DNAH17: variants seen among roughly 807,000 people sequenced by gnomAD.
The protein encoded by DNAH17 is dynein axonemal heavy chain 17.
Under a neutral mutation model 485.6 loss-of-function variants are expected in DNAH17, and 376 were observed. That is an observed-to-expected ratio of 0.77 (90% CI 0.71 to 0.84). The LOEUF (loss-of-function observed/expected upper bound fraction) is 0.84. Among genes scored for constraint, DNAH17 ranks in the 40% least tolerant of loss-of-function variants. The probability of loss-of-function intolerance (pLI) is 0.00; values close to 1 mark genes in which losing one functional copy is unlikely to be tolerated. For missense variants in DNAH17, 6,370 were observed against 5,839.3 expected (o/e 1.09, Z -2.96); for synonymous variants, 3,031 against 2,405.9 (o/e 1.26, Z -7.60).
intron 4 of DNAH17, 52 bp downstream of exon 4, chr17:78,571,538 G>C: frequency 1.9e-6 from 3 of 1,598,700 alleles, no homozygotes; most frequent in Non-Finnish European, 2.6e-6. Context: ...AGCTCGGCCC[G>C]GTCGCCCAGC....
At chr17:78,530,608 T>C (rs1598652360) in intron 20 of DNAH17, 96 bp from the exon 21 acceptor site, 2 of 1,418,230 alleles carry the variant, frequency 1.4e-6, no homozygotes, top group Admixed American at 4.3e-5. Context: ...GCACTGCACC[T>C]GCGCTGCTCA....
In DNAH17 at chr17:78,567,069, T is replaced by A; in HGVS notation, c.1382A>T (p.Tyr461Phe). 6.2e-7 allele frequency: 1 copy of A among 1,613,730 alleles called. No individual in the cohort carries two copies. The highest frequency in any genetic ancestry group is 8.5e-7 in the Non-Finnish European group (1 of 1,179,790). Residue 461 changes from tyrosine to phenylalanine, a missense_variant, in exon 10 of 81, where the codon TAT (tyrosine) becomes TTT (phenylalanine). By Grantham distance (22) the Tyr-to-Phe change is conservative (BLOSUM62 3). Transcript: ENST00000389840. ...CTTCACCAGCTCAAAGACCTCATCA[T>A]AGATACGGGTCACCAGGCTCCCGAG... ...NLLGSLVTRIYDEVFELVKVF... is the reference protein window; with the variant it reads ...NLLGSLVTRIFDEVFELVKVF...
At chr17:78,493,923 T>G (rs2089965201) in intron 41 of DNAH17, 113 bp downstream of exon 41, 6 of 1,394,128 alleles carry the variant, frequency 4.3e-6, no homozygotes, top group Middle Eastern at 2.6e-4. Context: ...GCTCCCAGGA[T>G]GTACTGGGTT....
chr17:78,425,467 G>A lies in DNAH17; in HGVS notation c.13020C>T (p.Ala4340=). ...TGTCCAGGGGCCACTCGTTCTTCCT[G>A]GCCATGGACTGCATGATGGCCGTGA... is the stretch of plus-strand genomic sequence containing the variant. ...SFLTAIMQSM[A]RKNEWPLDKM... Residue 4340 remains alanine (A), a synonymous_variant, in exon 80 of 81, where the codon GCC becomes GCT. Coordinates refer to ENST00000389840, the MANE Select transcript of DNAH17 (RefSeq NM_173628.4). 6.2e-7 allele frequency: 1 copy of A among 1,614,020 alleles called. No individual in the cohort carries two copies. The highest frequency in any genetic ancestry group is 8.5e-7 in the Non-Finnish European group (1 of 1,179,928).
chr17:78,537,341 G>C lies in DNAH17; in HGVS notation c.2817C>G (p.Ala939=), dbSNP rs777180977. 1 of 1,600,860 alleles carries C rather than the reference G, an allele frequency of 6.2e-7. No homozygotes were observed. Among genetic ancestry groups the C allele is most frequent in the South Asian group, 1.1e-5 (1 of 88,756 alleles). Residue 939 remains alanine (A), a synonymous_variant, in exon 19 of 81, where the codon GCC becomes GCG. Transcript: ENST00000389840. The stretch of plus-strand genomic sequence containing the variant: ...CCTTGGCCAGCCGAGGGATGAGCCT[G>C]GCTACGTTGTAGATGTCGTTGACCA... The part of the protein sequence containing the change: ...EGLVNDIYNV[A]RLIPRLAKDR...
At chr17:78,538,750 G>C (rs961675710) in intron 18 of DNAH17, among the ~76,000 whole-genome samples, 1 of 152,162 alleles carries the variant, frequency 6.6e-6, no homozygotes, top group African/African-American at 2.4e-5. Flanking sequence ...TTCGTCAACT[G>C]AATTTTGGGT....
chr17:78,483,871 C>T (rs568782082), intron 48 of DNAH17, among the ~76,000 whole-genome samples: 4 of 152,034 alleles, frequency 2.6e-5, no homozygotes, highest in Middle Eastern at 3.4e-3. Context: ...CCAAGGCGGG[C>T]GGATCACCTG....
chr17:78,458,388 CCA>C (rs1439828945), intron 62 of DNAH17, 175 bp downstream of exon 62: 2 of 612,558 alleles, frequency 3.3e-6, no homozygotes, highest in Non-Finnish European at 5.8e-6. Flanking sequence ...TTTGTGGAGG[CCA>C]CTGACTATGC....
At chr17:78,479,923 A>G (rs1257040730) in intron 49 of DNAH17, among the ~76,000 whole-genome samples, 1 of 150,986 alleles carries the variant, frequency 6.6e-6, no homozygotes, top group African/African-American at 2.4e-5. Flanking sequence ...GTGTGTTTAG[A>G]TAACTTAGAG....
rs1406735758 is a variant in DNAH17 at position 78,506,136 on chromosome 17, G to T, written c.4803+584C>A. Among the ~76,000 whole-genome samples, 7 of 72,396 alleles carry T rather than the reference G, an allele frequency of 9.7e-5. 1 individual carries two copies. Among genetic ancestry groups the T allele is most frequent in the Non-Finnish European group, 5.1e-5 (2 of 38,994 alleles). The allele number at this position is 72,396 out of a possible 152,430, so 47.5% of individuals were successfully genotyped here. On this transcript the variant is annotated intron_variant, in intron 30 of 80. Coordinates refer to ENST00000389840, the MANE Select transcript of DNAH17 (RefSeq NM_173628.4). ...AATGCAAGCGCTTTCCCTTCACCTA[G>T]TTAATTTTTTTTTTTTTTTTTTGAG...
At chr17:78,455,954 G>T in intron 62 of DNAH17, 118 bp from the exon 63 acceptor site, 1 of 814,882 alleles carries the variant, frequency 1.2e-6, no homozygotes, top group Non-Finnish European at 1.8e-6. Flanking sequence ...ACCTGGCTCA[G>T]TGGCTCAATG....
intron 24 of DNAH17, among the ~76,000 whole-genome samples, chr17:78,526,311 AAC>A (rs1177289915): frequency 6.6e-6 from 1 of 152,156 alleles, no homozygotes; most frequent in Non-Finnish European, 1.5e-5. Context: ...GCTGAATGTG[AAC>A]AGAGTGGAGA....
intron 14 of DNAH17, 52 bp from the exon 15 acceptor site, chr17:78,552,857 T>G (rs2091934416): frequency 2.3e-6 from 3 of 1,307,360 alleles, no homozygotes; most frequent in Non-Finnish European, 3.3e-6. Flanking sequence ...GATTTTAAAT[T>G]GTTCTCTGGT....
At chr17:78,490,507 C>G (rs1470511533) in intron 44 of DNAH17, among the ~76,000 whole-genome samples, 192 bp downstream of exon 44, 2 of 151,684 alleles carry the variant, frequency 1.3e-5, no homozygotes, top group Non-Finnish European at 2.9e-5. Flanking sequence ...TGCCCTGCCT[C>G]GTGTCACTGT....
intron 69 of DNAH17, among the ~76,000 whole-genome samples, chr17:78,447,828 T>C (rs180877551): frequency 6.6e-6 from 1 of 152,314 alleles, no homozygotes; most frequent in Admixed American, 6.5e-5. Context: ...ATACAATTAG[T>C]GTTGCCCAGC....
chr17:78,453,332 A>C lies in DNAH17; in HGVS notation c.10529+11T>G, dbSNP rs1335891329. 8 of 1,612,620 alleles carry C rather than the reference A, an allele frequency of 5.0e-6. No homozygotes were observed. Among genetic ancestry groups the C allele is most frequent in the Non-Finnish European group, 5.1e-6 (6 of 1,179,216 alleles). ...TACCTGGCTCAAGCCACGGAGGCGG[A>C]AACAACTCACTTTCCCTTTTTAATC... On this transcript the variant is annotated intron_variant, in intron 65 of 80. Coordinates refer to ENST00000389840, the MANE Select transcript of DNAH17 (RefSeq NM_173628.4).
intron 44 of DNAH17, chr17:78,489,683 T>C (rs1331810447): frequency 1.3e-5 from 2 of 152,130 alleles, no homozygotes; most frequent in Non-Finnish European, 2.9e-5. Flanking sequence ...CATATTCTTC[T>C]TCCTCCCCCA....
At chr17:78,483,918 G>A (rs1174211853) in intron 48 of DNAH17, among the ~76,000 whole-genome samples, 1 of 151,818 alleles carries the variant, frequency 6.6e-6, no homozygotes, top group Non-Finnish European at 1.5e-5. Flanking sequence ...CCAACATGGC[G>A]AAACCCCTTC....
Position 78,539,823 on chromosome 17 carries a change from T to G in DNAH17, c.2590A>C (p.Ile864Leu). The G allele has an allele frequency of 6.2e-7, 1 of 1,611,844 alleles. No individual in the cohort carries two copies. ...TCTAAGACCATGTCGTCAATGTAGA[T>G]GACATAATCCTTCCAGGGCAGGCTC... ...TLSLPWKDYVIYIDDMVLDEF... is the reference protein window; with the variant it reads ...TLSLPWKDYVLYIDDMVLDEF... Residue 864 changes from isoleucine to leucine, a missense_variant, in exon 18 of 81, where the codon ATC becomes CTC. Coordinates refer to ENST00000389840, the MANE Select transcript of DNAH17 (RefSeq NM_173628.4).
Sources: allele counts gnomAD v4.1 joint callset (sites outside exome capture counted in the v4.1 genomes callset), GRCh38; gene constraint gnomAD v4.1.1; transcripts MANE v1.5; gene names NCBI Gene and HGNC (gene_info 2026-07-23, HGNC 2026-07-21).